The following ZCWPW1 variants were observed in gnomAD, a reference collection of about 807,000 sequenced individuals.
ZCWPW1 encodes zinc finger CW-type PWWP domain protein 1.
A neutral mutation model predicts 81.3 loss-of-function variants in ZCWPW1; 56 were observed. The observed-to-expected ratio is 0.69, with a 90% CI of 0.56 to 0.86. The LOEUF (loss-of-function observed/expected upper bound fraction) is 0.86. Among genes scored for constraint, ZCWPW1 ranks in the 40% least tolerant of loss-of-function variants. ZCWPW1 has a pLI of 0.00. For missense variants in ZCWPW1, 650 were observed against 769.8 expected, an observed-to-expected ratio of 0.84 and a Z score of 1.84; for synonymous variants, 250 against 273.7, an observed-to-expected ratio of 0.91 and a Z score of 0.86.
At chr7:100,415,075 ATTTTTTTTTTTTT>A (rs1165297451) in intron 8 of ZCWPW1, among the ~76,000 whole-genome samples, 80 of 74,218 alleles carry the variant, frequency 1.1e-3, no homozygotes, top group African/African-American at 4.2e-3. Flanking sequence ...CTCCGTACCC[ATTTTTTTTTTTTT>A]TTTTTTTTTT....
chr7:100,411,928 C>T (rs924174394), intron 8 of ZCWPW1, among the ~76,000 whole-genome samples: 5 of 152,076 alleles, frequency 3.3e-5, no homozygotes, highest in Admixed American at 1.3e-4. Context: ...GTTTGATGCC[C>T]GGATGTGGCT....
intron 2 of ZCWPW1, among the ~76,000 whole-genome samples, chr7:100,422,571 ATTTTTT>A (rs1796551869): frequency 6.6e-6 from 1 of 151,992 alleles, no homozygotes; most frequent in African/African-American, 2.4e-5. Context: ...CTTTATTTTT[ATTTTTT>A]CTTTCCAACC....
At chr7:100,402,629 T>A in intron 15 of ZCWPW1, 53 bp from the exon 16 acceptor site, 1 of 1,552,920 alleles carries the variant, frequency 6.4e-7, no homozygotes, top group Non-Finnish European at 8.9e-7. Flanking sequence ...CCCCTAACTG[T>A]TTTTAATAGA....
At chr7:100,412,102 C>A (rs1337039776) in intron 8 of ZCWPW1, among the ~76,000 whole-genome samples, 1 of 152,072 alleles carries the variant, frequency 6.6e-6, no homozygotes, top group Non-Finnish European at 1.5e-5. Context: ...TTGCTGGGTT[C>A]TCTTCGTTCT....
intron 11 of ZCWPW1, 84 bp downstream of exon 11, chr7:100,407,144 T>C (rs1793181247): frequency 1.5e-6 from 2 of 1,296,962 alleles, no homozygotes; most frequent in Non-Finnish European, 2.2e-6. Flanking sequence ...GCTATGTCCA[T>C]GTCTCTTATC....
chr7:100,400,957 A>G lies in ZCWPW1; in HGVS notation c.*57T>C. On this transcript the variant is annotated 3_prime_UTR_variant, in exon 18 of 18. Transcript: ENST00000684423. ...CAATGAACAGACCCAGCACTTAGCA[A>G]CTTCTCCCTCCTGCGCCCCAGAGAA... The G allele has an allele frequency of 6.6e-7, 1 of 1,510,044 alleles. No homozygotes were observed. The highest frequency in any genetic ancestry group is 8.8e-7 in the Non-Finnish European group (1 of 1,130,040). 93.5% of individuals were successfully genotyped at this position (1,510,044 alleles called of 1,614,324 possible). A position where few individuals can be genotyped will look rare whatever the true frequency, so the allele number is the denominator to read the frequency against.
At chr7:100,413,766 C>CT (rs931379679) in intron 8 of ZCWPW1, among the ~76,000 whole-genome samples, 2 of 151,534 alleles carry the variant, frequency 1.3e-5, no homozygotes, top group African/African-American at 4.8e-5. Flanking sequence ...CACTTTTTTT[C>CT]TTTTTTATAG....
At chr7:100,422,551 T>G in intron 2 of ZCWPW1, among the ~76,000 whole-genome samples, 1 of 152,348 alleles carries the variant, frequency 6.6e-6, no homozygotes, top group East Asian at 1.9e-4. Context: ...CTGATATTAT[T>G]TCCATACAGC....
chr7:100,400,887 TTTA>T lies in ZCWPW1; in HGVS notation c.*124_*126del, dbSNP rs1399151509. ...GCCAACCCAGTCGACTGTAACCTGC[TTTA>T]TTAACACAGAAACTGCACCACACAC... On this transcript the variant is annotated 3_prime_UTR_variant, in exon 18 of 18. Transcript: ENST00000684423. 8.9e-7 allele frequency: 1 copy of T among 1,118,632 alleles called. No individual in the cohort carries two copies. The allele number at this position is 1,118,632 out of a possible 1,614,324, so 69.3% of individuals were successfully genotyped here. A position where few individuals can be genotyped will look rare whatever the true frequency, so the allele number is the denominator to read the frequency against.
intron 8 of ZCWPW1, among the ~76,000 whole-genome samples, chr7:100,415,515 C>T (rs182317735): frequency 1.6e-4 from 25 of 152,312 alleles, no homozygotes; most frequent in South Asian, 8.3e-4. Flanking sequence ...AACCAAACCG[C>T]TAATGGCTTC....
chr7:100,409,696 G>T, intron 8 of ZCWPW1, 152 bp from the exon 9 acceptor site: 2 of 610,380 alleles, frequency 3.3e-6, no homozygotes, highest in Middle Eastern at 7.7e-4. Context: ...TTATAAGAGG[G>T]AAACCAAGGC....
chr7:100,417,893 G>T (rs189116140), intron 5 of ZCWPW1, among the ~76,000 whole-genome samples: 2 of 149,962 alleles, frequency 1.3e-5, no homozygotes, highest in Admixed American at 6.7e-5. Context: ...TTGTTTTTTG[G>T]TTTTTTTTTG....
intron 15 of ZCWPW1, 74 bp downstream of exon 15, chr7:100,403,620 T>C (rs1029486141): frequency 1.4e-6 from 2 of 1,406,132 alleles, no homozygotes; most frequent in African/African-American, 2.9e-5. Context: ...GTCCAGGAGT[T>C]TGAGACCAGC....
chr7:100,402,613 T>G (rs906250515), intron 15 of ZCWPW1, 37 bp from the exon 16 acceptor site: 10 of 1,597,010 alleles, frequency 6.3e-6, no homozygotes, highest in Non-Finnish European at 8.6e-6. Flanking sequence ...AAATGATAAA[T>G]CAAGGCCCCT....
chr7:100,405,192 G>A, intron 12 of ZCWPW1, 99 bp from the exon 13 acceptor site: 1 of 1,092,890 alleles, frequency 9.2e-7, no homozygotes. Flanking sequence ...CACTTTGGGA[G>A]GCCGAGTCAG....
At chr7:100,417,318 T>C in intron 5 of ZCWPW1, 135 bp from the exon 6 acceptor site, 2 of 604,096 alleles carry the variant, frequency 3.3e-6, no homozygotes, top group Non-Finnish European at 5.7e-6. Context: ...GAACTTTAAA[T>C]ATTTAAATTT....
At chr7:100,423,095 G>A (rs1411040090) in intron 2 of ZCWPW1, among the ~76,000 whole-genome samples, 1 of 152,074 alleles carries the variant, frequency 6.6e-6, no homozygotes, top group East Asian at 1.9e-4. Flanking sequence ...GACCTTTAGG[G>A]ATAATAAAGC....
At chr7:100,424,091 C>G (rs1437246290) in intron 2 of ZCWPW1, among the ~76,000 whole-genome samples, 1 of 148,142 alleles carries the variant, frequency 6.8e-6, no homozygotes. Flanking sequence ...AAAAAAAAGA[C>G]TGGGTAAAAT....
At chr7:100,422,302 C>T (rs537597432) in intron 2 of ZCWPW1, among the ~76,000 whole-genome samples, 2 of 152,352 alleles carry the variant, frequency 1.3e-5, no homozygotes, top group Admixed American at 6.5e-5. Flanking sequence ...TATCACAGCA[C>T]ACACAGAAAA....
Sources: allele counts gnomAD v4.1 joint callset (sites outside exome capture counted in the v4.1 genomes callset), GRCh38; gene constraint gnomAD v4.1.1; transcripts MANE v1.5; gene names NCBI Gene and HGNC (gene_info 2026-07-23, HGNC 2026-07-21).